Variants in EVA1A observed in about 807,000 individuals in gnomAD.
The protein encoded by EVA1A is protein eva-1 homolog A.
A neutral mutation model predicts 9.8 loss-of-function variants in EVA1A; 7 were observed. The observed-to-expected ratio is 0.71, with a 90% CI of 0.41 to 1.34. The LOEUF (loss-of-function observed/expected upper bound fraction) is 1.34, where lower values mean the gene tolerates loss of function less well. Ranked by LOEUF, EVA1A falls within the 40% of genes most tolerant of loss-of-function variation. The pLI is 0.01. For synonymous variants in EVA1A, 90 were observed against 85.6 expected (o/e 1.05, Z -0.28); for missense variants, 206 against 205.9 (o/e 1.00, Z 0.00).
chr2:75,546,562 A>G (rs1324337717), intron 1 of EVA1A, among the ~76,000 whole-genome samples: 1 of 152,186 alleles, frequency 6.6e-6, no homozygotes, highest in Non-Finnish European at 1.5e-5. Context: ...ACGTGGATGG[A>G]AAAACTGACC....
At chr2:75,547,412 A>G (rs1366090456) in intron 1 of EVA1A, among the ~76,000 whole-genome samples, 1 of 152,244 alleles carries the variant, frequency 6.6e-6, no homozygotes, top group East Asian at 1.9e-4. Context: ...TCAGTTTGAA[A>G]TAGGAAATAC....
chr2:75,545,353 G>A (rs1307853779), intron 1 of EVA1A, among the ~76,000 whole-genome samples: 1 of 152,160 alleles, frequency 6.6e-6, no homozygotes, highest in Non-Finnish European at 1.5e-5. Context: ...CCTTGCTCCT[G>A]GAATTGGGAG....
intron 3 of EVA1A, among the ~76,000 whole-genome samples, chr2:75,510,983 C>T (rs1268149887): frequency 1.3e-5 from 2 of 152,216 alleles, no homozygotes; most frequent in Non-Finnish European, 2.9e-5. Context: ...TGCTCTCGTG[C>T]TACAATGCAA....
chr2:75,560,537 G>A (rs1055498123), intron 1 of EVA1A, 143 bp downstream of exon 1: 3 of 152,250 alleles, frequency 2.0e-5, no homozygotes, highest in African/African-American at 7.2e-5. Context: ...CAACACCTGG[G>A]CAGGGACTTG....
At chr2:75,498,210 TA>T (rs113565617) in intron 3 of EVA1A, among the ~76,000 whole-genome samples, 6,428 of 152,144 alleles carry the variant, frequency 0.042, 461 homozygotes, top group African/African-American at 0.15. Context: ...GCCATTATCT[TA>T]AGCAAATTCA....
chr2:75,508,426 A>G (rs1477643075), intron 3 of EVA1A, among the ~76,000 whole-genome samples: 1 of 152,130 alleles, frequency 6.6e-6, no homozygotes, highest in Non-Finnish European at 1.5e-5. Context: ...TAGGGGTGAA[A>G]TAGACCCCAG....
intron 3 of EVA1A, among the ~76,000 whole-genome samples, chr2:75,499,724 C>A (rs565979108): frequency 1.8e-4 from 28 of 152,236 alleles, no homozygotes; most frequent in African/African-American, 5.5e-4. Flanking sequence ...GGAATAAGGT[C>A]ATTCTACTCA....
At chr2:75,498,775 T>A (rs1674304445) in intron 3 of EVA1A, among the ~76,000 whole-genome samples, 1 of 150,844 alleles carries the variant, frequency 6.6e-6, no homozygotes, top group Non-Finnish European at 1.5e-5. Context: ...AGTGACTTAA[T>A]ACATTTAAAT....
chr2:75,568,031 C>T (rs1004335921), intron 1 of EVA1A, among the ~76,000 whole-genome samples: 3 of 152,120 alleles, frequency 2.0e-5, no homozygotes, highest in Non-Finnish European at 4.4e-5. Context: ...TGCTATACTT[C>T]CCAGAAGCAT....
chr2:75,561,160 C>G (rs977325186), upstream of EVA1A: 1 of 152,224 alleles, frequency 6.6e-6, no homozygotes, highest in Non-Finnish European at 1.5e-5. Flanking sequence ...TGCCGACTGT[C>G]CGCAGGACCG....
upstream of EVA1A, among the ~76,000 whole-genome samples, chr2:75,561,909 G>C (rs1171957993): frequency 6.6e-6 from 1 of 152,070 alleles, no homozygotes; most frequent in Non-Finnish European, 1.5e-5. Context: ...AAGATGAGGA[G>C]AGGATGAAGG....
chr2:75,523,257 G>C (rs1376495359), intron 1 of EVA1A, among the ~76,000 whole-genome samples: 4 of 152,156 alleles, frequency 2.6e-5, no homozygotes, highest in Non-Finnish European at 2.9e-5. Flanking sequence ...TAATTTTACA[G>C]GTCAAGAAAA....
chr2:75,558,794 G>A (rs1418892400), intron 1 of EVA1A: 3 of 152,216 alleles, frequency 2.0e-5, no homozygotes, highest in South Asian at 4.1e-4. Flanking sequence ...ATGTGTACAA[G>A]GTCGGGGGTT....
intron 1 of EVA1A, among the ~76,000 whole-genome samples, chr2:75,553,864 C>T (rs1410687130): frequency 6.6e-6 from 1 of 152,180 alleles, no homozygotes; most frequent in African/African-American, 2.4e-5. Flanking sequence ...TGCTGACTCT[C>T]CTCCAGTGCT....
chr2:75,501,890 C>G (rs964989464), intron 3 of EVA1A, among the ~76,000 whole-genome samples: 2 of 152,182 alleles, frequency 1.3e-5, no homozygotes, highest in African/African-American at 4.8e-5. Context: ...TTGAAGAGAA[C>G]CTGCCTAGGT....
intron 3 of EVA1A, among the ~76,000 whole-genome samples, chr2:75,497,206 G>C (rs181881812): frequency 6.6e-6 from 1 of 152,248 alleles, no homozygotes; most frequent in Non-Finnish European, 1.5e-5. Flanking sequence ...TTAAACTAAA[G>C]AGCCTCTTCA....
At chr2:75,510,813 G>A (rs537854695) in intron 3 of EVA1A, among the ~76,000 whole-genome samples, 41 of 152,274 alleles carry the variant, frequency 2.7e-4, no homozygotes, top group African/African-American at 9.9e-4. Flanking sequence ...AAGACATATG[G>A]ACAGTTCACA....
At chr2:75,493,705 C>A in intron 3 of EVA1A, 96 bp from the exon 4 acceptor site, 2 of 1,220,654 alleles carry the variant, frequency 1.6e-6, no homozygotes, top group South Asian at 1.7e-5. Flanking sequence ...CACCAGGCCC[C>A]AAAGTTTTGA....
At chr2:75,549,071 T>C (rs7589074) in intron 1 of EVA1A, among the ~76,000 whole-genome samples, 32,898 of 150,180 alleles carry the variant, frequency 0.22, 3,794 homozygotes, top group East Asian at 0.33. Flanking sequence ...ATCACAGCTG[T>C]TGCTTTATGG....
Sources: allele counts gnomAD v4.1 joint callset (sites outside exome capture counted in the v4.1 genomes callset), GRCh38; gene constraint gnomAD v4.1.1; transcripts MANE v1.5; gene names NCBI Gene and HGNC (gene_info 2026-07-23, HGNC 2026-07-21).